ABLIM2: variants seen among roughly 807,000 people sequenced by gnomAD.
ABLIM2 encodes the protein actin-binding LIM protein 2.
In ABLIM2, 53 loss-of-function variants were observed where a neutral mutation model predicts 97.7. That is an observed-to-expected ratio of 0.54 (90% CI 0.44 to 0.68). The LOEUF (loss-of-function observed/expected upper bound fraction) is 0.68, where lower values mean the gene tolerates loss of function less well. Ranked by LOEUF, ABLIM2 falls within the 30% of genes least tolerant of loss-of-function variation. The pLI, the probability that ABLIM2 is intolerant of heterozygous loss-of-function variation, is 0.00. For missense variants in ABLIM2, 835 were observed against 867.2 expected (o/e 0.96, Z 0.47); for synonymous variants, 361 against 345.8 (o/e 1.04, Z -0.49).
chr4:8,082,456 C>G lies in ABLIM2; in HGVS notation c.455-1654G>C, dbSNP rs1820554253. ...AGCATCGGCGAGACCCCCTGTGGGC[C>G]TGCTGTGCGGTGAGAGCTCAGCAGA... On this transcript the variant is annotated intron_variant, in intron 4 of 20. Transcript: ENST00000447017. The surrounding 1 kb of genome is among the most constrained non-coding windows in gnomAD (Gnocchi z 5.6). Among the ~76,000 whole-genome samples, 1 of 152,236 alleles carries G rather than the reference C, an allele frequency of 6.6e-6. No individual in the cohort carries two copies. The highest frequency in any genetic ancestry group is 1.5e-5 in the Non-Finnish European group (1 of 68,046).
intron 20 of ABLIM2, among the ~76,000 whole-genome samples, chr4:7,976,201 G>A (rs1732899609): frequency 6.6e-6 from 1 of 152,092 alleles, no homozygotes; most frequent in Non-Finnish European, 1.5e-5. Context: ...CATCTGGCTG[G>A]GTGTCACCAT....
At position 8,072,250 on chromosome 4, in the gene ABLIM2, T is replaced by C. The variant is rs974674593; in HGVS notation, c.675+5378A>G. Among the ~76,000 whole-genome samples the C allele has an allele frequency of 1.3e-5, 2 of 152,208 alleles. No homozygotes were observed. The highest frequency in any genetic ancestry group is 4.1e-4 in the South Asian group (2 of 4,826). On this transcript the variant is annotated intron_variant, in intron 6 of 20. Transcript: ENST00000447017. This position sits in a 1 kb window ranked among gnomAD's most constrained non-coding sequence, Gnocchi z 5.8. ...ACCAGGGCGCACCCCAAATTCTGTA[T>C]TTGGCATTAAATATCAGGGATGCTT... is the stretch of plus-strand genomic sequence containing the variant.
intron 8 of ABLIM2, among the ~76,000 whole-genome samples, chr4:8,053,479 C>G (rs1185693314): frequency 6.6e-6 from 1 of 152,204 alleles, no homozygotes; most frequent in African/African-American, 2.4e-5. Flanking sequence ...TCTAAATTAA[C>G]TGAGACCTGT....
At chr4:8,108,519 C>G (rs978183554) in intron 1 of ABLIM2, among the ~76,000 whole-genome samples, 1 of 152,236 alleles carries the variant, frequency 6.6e-6, no homozygotes. Context: ...TACTCTCCCT[C>G]GACAACCAGG....
chr4:8,010,635 T>A (rs1764307180), intron 14 of ABLIM2: 1 of 948,224 alleles, frequency 1.1e-6, no homozygotes, highest in African/African-American at 1.8e-5. Context: ...GCTACCTGTT[T>A]CTCCTTCTTC....
At chr4:8,099,005 G>A (rs34702319) in intron 2 of ABLIM2, among the ~76,000 whole-genome samples, 3,034 of 152,350 alleles carry the variant, frequency 0.02, 92 homozygotes, top group African/African-American at 0.067. Flanking sequence ...CCTCCTGGGC[G>A]TTCCGGGGCG....
intron 8 of ABLIM2, among the ~76,000 whole-genome samples, chr4:8,047,102 G>C (rs867810673): frequency 2.0e-5 from 3 of 152,338 alleles, no homozygotes; most frequent in African/African-American, 2.4e-5. Flanking sequence ...AGCGAGGATG[G>C]GCAACATCAG....
chr4:8,050,306 C>G (rs1049991432), intron 8 of ABLIM2, among the ~76,000 whole-genome samples: 2 of 152,202 alleles, frequency 1.3e-5, no homozygotes, highest in Non-Finnish European at 2.9e-5. Flanking sequence ...CCTGGGAGAG[C>G]TCCCATCCCC....
intron 9 of ABLIM2, among the ~76,000 whole-genome samples, chr4:8,042,839 CAAA>C (rs35649540): frequency 6.4e-5 from 4 of 62,348 alleles, no homozygotes; most frequent in African/African-American, 5.9e-5. Flanking sequence ...AACTCCAACT[CAAA>C]AAAAAAAAAA....
At chr4:8,081,212 C>T (rs191292191) in intron 4 of ABLIM2, among the ~76,000 whole-genome samples, 3,306 of 152,262 alleles carry the variant, frequency 0.022, 50 homozygotes, top group Middle Eastern at 0.041. Context: ...CCCCCAACCC[C>T]GTCAGCCCTG....
intron 12 of ABLIM2, among the ~76,000 whole-genome samples, chr4:8,027,024 G>C (rs1418058217): frequency 6.6e-6 from 1 of 152,122 alleles, no homozygotes; most frequent in Non-Finnish European, 1.5e-5. Flanking sequence ...TGGAGAGGGA[G>C]CGAGCTTTGG....
chr4:7,988,136 C>T (rs1356427644), intron 17 of ABLIM2, among the ~76,000 whole-genome samples: 6 of 152,188 alleles, frequency 3.9e-5, no homozygotes, highest in South Asian at 4.1e-4. Flanking sequence ...AATTCTCCTG[C>T]CTCAGCCTCC....
Position 7,999,162 on chromosome 4 carries a change from C to A in ABLIM2, c.1619-6235G>T, listed in dbSNP as rs1045341404. Among the ~76,000 whole-genome samples, 11 of 152,152 alleles carry A rather than the reference C, an allele frequency of 7.2e-5. No individual in the cohort carries two copies. Among genetic ancestry groups the A allele is most frequent in the African/African-American group, 2.4e-4 (10 of 41,434 alleles). ...CTCACTGCAACCTCCTGGGTTCAAG[C>A]GATTCTCCTGCCTCAGCCTCCTGAG... On this transcript the variant is annotated intron_variant, in intron 16 of 20. Coordinates refer to ENST00000447017, the MANE Select transcript of ABLIM2 (RefSeq NM_001130083.2). The surrounding 1 kb of genome is among the most constrained non-coding windows in gnomAD (Gnocchi z 4.4).
chr4:8,073,132 G>A (rs1248909276), intron 6 of ABLIM2, among the ~76,000 whole-genome samples: 1 of 151,676 alleles, frequency 6.6e-6, no homozygotes, highest in African/African-American at 2.4e-5. Flanking sequence ...CAGGTAAGGT[G>A]GGGAAGATGG....
At chr4:8,010,573 G>T in intron 14 of ABLIM2, 3 of 985,860 alleles carry the variant, frequency 3.0e-6, no homozygotes, top group Non-Finnish European at 3.6e-6. Context: ...GGCCAAAATT[G>T]AAGACTGAGC....
intron 9 of ABLIM2, among the ~76,000 whole-genome samples, chr4:8,038,150 T>C (rs1269622288): frequency 6.6e-6 from 1 of 152,170 alleles, no homozygotes; most frequent in East Asian, 1.9e-4. Flanking sequence ...CCCTCCATCA[T>C]CTGCTCGCAA....
Position 8,072,125 on chromosome 4 carries a change from T to G in ABLIM2, c.675+5503A>C. 1.1e-6 allele frequency: 1 copy of G among 935,444 alleles called. No individual in the cohort carries two copies. The highest frequency in any genetic ancestry group is 1.3e-6 in the Non-Finnish European group (1 of 784,380). 57.9% of individuals were successfully genotyped at this position (935,444 alleles called of 1,614,324 possible). A position where few individuals can be genotyped will look rare whatever the true frequency, so the allele number is the denominator to read the frequency against. ...AGAGGCGAAAACAAAAGCATTAATC[T>G]TCCCCAGGAGGCCCTTTCTCCTCCA... On this transcript the variant is annotated intron_variant, in intron 6 of 20. Transcript: ENST00000447017. This position sits in a 1 kb window ranked among gnomAD's most constrained non-coding sequence, Gnocchi z 5.8.
Position 8,029,662 on chromosome 4 carries a change from G to C in ABLIM2, c.1162C>G (p.Arg388Gly), listed in dbSNP as rs570874083. ...GAACCAGGGGGCCAAGTACCTGGACGGCTGTAGTGCTGTGGTGACCGTGAG... is the reference window on the plus strand; with the variant it reads ...GAACCAGGGGGCCAAGTACCTGGACCGCTGTAGTGCTGTGGTGACCGTGAG... ...PTSRSPQHYS[R>G]PAGTVSVGTS... The change falls in exon 11 of 21, where the codon CGT becomes GGT. Residue 388 changes from arginine to glycine, a missense_variant. Transcript: ENST00000447017. 3.2e-6 allele frequency: 5 copies of C among 1,539,590 alleles called. No individual in the cohort carries two copies. Among genetic ancestry groups the C allele is most frequent in the Non-Finnish European group, 2.6e-6 (3 of 1,139,260 alleles).
intron 12 of ABLIM2, among the ~76,000 whole-genome samples, chr4:8,024,512 G>C (rs1457743263): frequency 6.6e-6 from 1 of 152,168 alleles, no homozygotes; most frequent in Non-Finnish European, 1.5e-5. Context: ...AGGAGCCCGG[G>C]GAGCAAACAG....
Sources: gnomAD v4.1 joint callset for allele counts (sites outside exome capture counted in the v4.1 genomes callset) on GRCh38, gnomAD v4.1.1 for gene constraint, Gnocchi (gnomAD v3.1) non-coding constraint, MANE v1.5 for transcripts, NCBI Gene and HGNC (gene_info 2026-07-23, HGNC 2026-07-21) for gene names.